SDCCAG8: variants seen among roughly 807,000 people sequenced by gnomAD.
The protein encoded by SDCCAG8 is serologically defined colon cancer antigen 8.
Under a neutral mutation model 101.8 loss-of-function variants are expected in SDCCAG8, and 74 were observed. That is an observed-to-expected ratio of 0.73 (90% CI 0.60 to 0.88). The LOEUF (loss-of-function observed/expected upper bound fraction) is 0.88, where lower values mean the gene tolerates loss of function less well. Among genes scored for constraint, SDCCAG8 ranks in the 40% least tolerant of loss-of-function variants. SDCCAG8 has a pLI of 0.00. For missense variants in SDCCAG8, 787 were observed against 822.6 expected, an observed-to-expected ratio of 0.96 and a Z score of 0.53; for synonymous variants, 281 against 292.9, an observed-to-expected ratio of 0.96 and a Z score of 0.41.
At chr1:243,426,867 T>A (rs900609882) in intron 16 of SDCCAG8, among the ~76,000 whole-genome samples, 11 of 152,228 alleles carry the variant, frequency 7.2e-5, no homozygotes, top group African/African-American at 2.7e-4. Flanking sequence ...TATGGAGGAA[T>A]TTCAAATTAT....
At chr1:243,497,247 G>A (rs549568374) in intron 17 of SDCCAG8, among the ~76,000 whole-genome samples, 109 of 145,444 alleles carry the variant, frequency 7.5e-4, no homozygotes, top group African/African-American at 2.6e-3. Context: ...AAATGGAGGC[G>A]ACAAAACGGT....
At chr1:243,361,911 G>A (rs543991991) in intron 12 of SDCCAG8, among the ~76,000 whole-genome samples, 1 of 152,358 alleles carries the variant, frequency 6.6e-6, no homozygotes, top group East Asian at 1.9e-4. Context: ...TGAGGACAGA[G>A]ACTTTTACTT....
intron 9 of SDCCAG8, among the ~76,000 whole-genome samples, chr1:243,324,935 G>A (rs2074038991): frequency 6.6e-6 from 1 of 152,162 alleles, no homozygotes; most frequent in Non-Finnish European, 1.5e-5. Flanking sequence ...TTTCTGCCTT[G>A]TAATAATCTA....
chr1:243,299,076 A>C (rs1475196206), intron 6 of SDCCAG8, among the ~76,000 whole-genome samples: 1 of 152,168 alleles, frequency 6.6e-6, no homozygotes, highest in African/African-American at 2.4e-5. Context: ...AGTCATCTTT[A>C]ATTTTTGTCA....
chr1:243,479,236 TA>T (rs553201385), intron 16 of SDCCAG8, among the ~76,000 whole-genome samples: 8 of 152,354 alleles, frequency 5.3e-5, no homozygotes, highest in Admixed American at 2.0e-4. Flanking sequence ...TGTAAATAGC[TA>T]GCGATATTTG....
chr1:243,380,732 C>T (rs371949392), intron 13 of SDCCAG8, among the ~76,000 whole-genome samples: 4 of 150,990 alleles, frequency 2.6e-5, no homozygotes, highest in Non-Finnish European at 4.4e-5. Context: ...AAAATTTAAA[C>T]GTAGTTTTAC....
intron 14 of SDCCAG8, among the ~76,000 whole-genome samples, chr1:243,417,177 A>G (rs1419065889): frequency 6.6e-6 from 1 of 152,202 alleles, no homozygotes; most frequent in Non-Finnish European, 1.5e-5. Flanking sequence ...AAAATTCACC[A>G]GGTTTAGTAG....
intron 7 of SDCCAG8, 87 bp downstream of exon 7, chr1:243,304,864 G>C (rs779070360): frequency 1.2e-6 from 1 of 852,204 alleles, no homozygotes; most frequent in Non-Finnish European, 2.0e-6. Context: ...TCTAGTTTTA[G>C]TCATTATCAG....
intron 4 of SDCCAG8, 81 bp downstream of exon 4, chr1:243,274,737 A>G: frequency 2.4e-6 from 2 of 834,174 alleles, no homozygotes; most frequent in South Asian, 1.4e-5. Flanking sequence ...TTGCTGCTAT[A>G]AATCTTCATG....
chr1:243,273,015 T>C (rs1370497454), intron 3 of SDCCAG8, among the ~76,000 whole-genome samples: 1 of 152,228 alleles, frequency 6.6e-6, no homozygotes, highest in Non-Finnish European at 1.5e-5. Context: ...TTTTTATTTT[T>C]CACATTGACT....
intron 16 of SDCCAG8, among the ~76,000 whole-genome samples, chr1:243,429,955 G>A (rs1230075453): frequency 6.6e-6 from 1 of 151,860 alleles, no homozygotes; most frequent in East Asian, 1.9e-4. Flanking sequence ...CGCCTACCTC[G>A]GCGTCCTCTG....
intron 13 of SDCCAG8, among the ~76,000 whole-genome samples, chr1:243,384,310 C>G (rs552195531): frequency 6.6e-6 from 1 of 152,104 alleles, no homozygotes; most frequent in East Asian, 1.9e-4. Context: ...TATGACTATT[C>G]TTTCAAGCTC....
At chr1:243,375,493 A>C (rs1030304449) in intron 12 of SDCCAG8, among the ~76,000 whole-genome samples, 1 of 152,174 alleles carries the variant, frequency 6.6e-6, no homozygotes, top group South Asian at 2.1e-4. Context: ...CCCTTTTCCA[A>C]ATTCGATCCC....
At chr1:243,292,166 A>AT (rs1230786839) in intron 5 of SDCCAG8, among the ~76,000 whole-genome samples, 1 of 152,056 alleles carries the variant, frequency 6.6e-6, no homozygotes, top group Admixed American at 6.5e-5. Context: ...ATCATATAGG[A>AT]TTTTTATGGA....
intron 4 of SDCCAG8, among the ~76,000 whole-genome samples, chr1:243,277,670 T>G (rs970490322): frequency 6.6e-6 from 1 of 152,194 alleles, no homozygotes; most frequent in East Asian, 1.9e-4. Flanking sequence ...ACTTACCAAT[T>G]TTTTTCTTTC....
intron 16 of SDCCAG8, among the ~76,000 whole-genome samples, chr1:243,472,109 C>T (rs1558514923): frequency 6.6e-6 from 1 of 152,156 alleles, no homozygotes; most frequent in Non-Finnish European, 1.5e-5. Flanking sequence ...TTAGGGCAAA[C>T]AGATCTTGTT....
chr1:243,441,429 C>G (rs1266019131), intron 16 of SDCCAG8, among the ~76,000 whole-genome samples: 1 of 152,170 alleles, frequency 6.6e-6, no homozygotes, highest in African/African-American at 2.4e-5. Context: ...CTTTCCTGCT[C>G]TCTTTTCACG....
intron 16 of SDCCAG8, among the ~76,000 whole-genome samples, chr1:243,440,799 G>A (rs547467462): frequency 6.6e-6 from 1 of 152,284 alleles, no homozygotes; most frequent in South Asian, 2.1e-4. Context: ...TTCCTTTGTT[G>A]AGCTGAATGT....
intron 13 of SDCCAG8, among the ~76,000 whole-genome samples, chr1:243,380,848 A>G (rs1315951069): frequency 6.6e-6 from 1 of 152,202 alleles, no homozygotes; most frequent in East Asian, 1.9e-4. Context: ...TAAAGATGAC[A>G]ATTAGAAATG....
Sources: allele counts gnomAD v4.1 joint callset (sites outside exome capture counted in the v4.1 genomes callset), GRCh38; gene constraint gnomAD v4.1.1; transcripts MANE v1.5; gene names NCBI Gene and HGNC (gene_info 2026-07-23, HGNC 2026-07-21).